Variants in SLF1 observed in about 807,000 individuals in gnomAD.
SLF1 encodes SMC5-SMC6 complex localization factor protein 1.
Under a neutral mutation model 123.0 loss-of-function variants are expected in SLF1, and 105 were observed. The observed-to-expected ratio is 0.85, with a 90% CI of 0.73 to 1.00. SLF1 has a LOEUF of 1.00. SLF1 is among the 50% of genes least tolerant of loss of function. SLF1 has a pLI of 0.00. For missense variants in SLF1, 1,239 were observed against 1,223.0 expected (o/e 1.01, Z -0.20); for synonymous variants, 434 against 406.6 (o/e 1.07, Z -0.81).
chr5:94,633,469 A>G (rs1745430023), intron 4 of SLF1, among the ~76,000 whole-genome samples: 1 of 152,180 alleles, frequency 6.6e-6, no homozygotes. Context: ...ACCTAATGTG[A>G]TATTTAATGG....
chr5:94,694,722 T>C, intron 20 of SLF1, 109 bp from the exon 21 acceptor site: 12 of 1,350,896 alleles, frequency 8.9e-6, no homozygotes, highest in Non-Finnish European at 1.2e-5. Context: ...TAATACAAAA[T>C]ATGATTGCAA....
chr5:94,679,760 T>TA (rs1457180633), intron 15 of SLF1, among the ~76,000 whole-genome samples: 2 of 152,068 alleles, frequency 1.3e-5, no homozygotes, highest in African/African-American at 4.8e-5. Context: ...TCCCCTAAAA[T>TA]AAAGGGAGGA....
At chr5:94,638,862 C>A (rs968383958) in intron 4 of SLF1, among the ~76,000 whole-genome samples, 2 of 152,074 alleles carry the variant, frequency 1.3e-5, no homozygotes, top group Non-Finnish European at 2.9e-5. Flanking sequence ...ATTTTGTATT[C>A]TTTTACTTAA....
At chr5:94,689,684 GC>G (rs1752858625) in intron 18 of SLF1, 78 bp downstream of exon 18, 1 of 1,322,902 alleles carries the variant, frequency 7.6e-7, no homozygotes, top group East Asian at 2.4e-5. Flanking sequence ...TCACACATTT[GC>G]CCTGATGAAT....
intron 10 of SLF1, among the ~76,000 whole-genome samples, chr5:94,662,560 AT>A (rs1749253824): frequency 1.3e-5 from 2 of 152,260 alleles, no homozygotes; most frequent in South Asian, 4.1e-4. Flanking sequence ...ATAGTAAAAA[AT>A]GATCACAAAT....
At chr5:94,686,437 A>G in intron 15 of SLF1, 136 bp from the exon 16 acceptor site, 1 of 949,212 alleles carries the variant, frequency 1.1e-6, no homozygotes. Context: ...TTTTTTGTGG[A>G]TTAAAATCAT....
At position 94,694,832 on chromosome 5, in the gene SLF1, C is replaced by T; in HGVS notation, c.2697C>T (p.Gly899=). 1 of 1,556,314 alleles carries T rather than the reference C, an allele frequency of 6.4e-7. No homozygotes were observed. The highest frequency in any genetic ancestry group is 1.2e-5 in the South Asian group (1 of 80,934). The part of the protein sequence containing the change: ...EIGKLLLQHG[G]PVLLQQRNAK... ...ACATTTTGCATTTTCTTTTCACAGGCCCAGTGCTTTTACAACAGAGGAATG... is the reference window on the plus strand; with the variant it reads ...ACATTTTGCATTTTCTTTTCACAGGTCCAGTGCTTTTACAACAGAGGAATG... Residue 899 remains glycine, a splice_region_variant and synonymous_variant, in exon 21 of 21, where the codon GGC becomes GGT. Coordinates refer to ENST00000265140, the MANE Select transcript of SLF1 (RefSeq NM_032290.4).
intron 9 of SLF1, among the ~76,000 whole-genome samples, chr5:94,655,002 T>C (rs1422838922): frequency 6.6e-6 from 1 of 152,194 alleles, no homozygotes; most frequent in Non-Finnish European, 1.5e-5. Flanking sequence ...TGGCCATAAA[T>C]TCTTTGCCTA....
intron 15 of SLF1, among the ~76,000 whole-genome samples, chr5:94,683,843 A>G (rs1041725770): frequency 6.6e-6 from 1 of 152,144 alleles, no homozygotes; most frequent in Non-Finnish European, 1.5e-5. Context: ...AGTTATTGGT[A>G]TTTGCTAACT....
chr5:94,627,889 G>A (rs934399483), intron 1 of SLF1, among the ~76,000 whole-genome samples: 6 of 151,192 alleles, frequency 4.0e-5, no homozygotes, highest in East Asian at 2.0e-4. Context: ...GAGTGCAATC[G>A]CGTGATCTCG....
At position 94,630,523 on chromosome 5, in the gene SLF1, G is replaced by A; in HGVS notation, c.211G>A (p.Asp71Asn). 1 of 1,551,478 alleles carries A rather than the reference G, an allele frequency of 6.4e-7. No homozygotes were observed. Among genetic ancestry groups the A allele is most frequent in the Non-Finnish European group, 8.7e-7 (1 of 1,146,852 alleles). Residue 71 changes from aspartate to asparagine, a missense_variant, in exon 4 of 21, where the codon GAC becomes AAC. By Grantham distance (23) the Asp-to-Asn change is conservative (BLOSUM62 1). Coordinates refer to ENST00000265140, the MANE Select transcript of SLF1 (RefSeq NM_032290.4). Reference sequence around the variant, plus strand: ...TCTAGGAAAGTGGATACTAACCAAGGACTATATAATTCATAGTGCCAAAAG... The same window carrying A: ...TCTAGGAAAGTGGATACTAACCAAGAACTATATAATTCATAGTGCCAAAAG... ...CAAGKWILTK[D>N]YIIHSAKSGR...
chr5:94,633,005 T>C (rs1188437113), intron 4 of SLF1, among the ~76,000 whole-genome samples: 1 of 151,946 alleles, frequency 6.6e-6, no homozygotes, highest in Non-Finnish European at 1.5e-5. Flanking sequence ...TTTTTAATTT[T>C]TTGAGGTAGC....
chr5:94,678,309 A>G (rs917520271), intron 14 of SLF1: 1 of 152,582 alleles, frequency 6.6e-6, no homozygotes, highest in Admixed American at 6.5e-5. Flanking sequence ...TGGAATCAGT[A>G]TATTATAGCA....
At chr5:94,647,590 T>G (rs566701889) in intron 5 of SLF1, among the ~76,000 whole-genome samples, 7 of 152,224 alleles carry the variant, frequency 4.6e-5, no homozygotes, top group Non-Finnish European at 1.0e-4. Context: ...CAAAATATAC[T>G]AGTCTTGGAC....
chr5:94,661,409 T>C (rs1299128656), intron 9 of SLF1, among the ~76,000 whole-genome samples: 1 of 152,182 alleles, frequency 6.6e-6, no homozygotes, highest in African/African-American at 2.4e-5. Context: ...TGTAATGTTC[T>C]CTCTTAGATG....
intron 14 of SLF1, among the ~76,000 whole-genome samples, chr5:94,671,378 A>G (rs978727577): frequency 2.0e-5 from 3 of 151,676 alleles, no homozygotes; most frequent in African/African-American, 4.8e-5. Flanking sequence ...AATATTTATT[A>G]GTATTATTTT....
intron 6 of SLF1, among the ~76,000 whole-genome samples, chr5:94,649,862 A>G (rs528738205): frequency 6.6e-6 from 1 of 152,310 alleles, no homozygotes; most frequent in African/African-American, 2.4e-5. Context: ...TTATGTAATT[A>G]CCATGTTTAG....
chr5:94,690,600 TAAA>T (rs897576230), intron 18 of SLF1, among the ~76,000 whole-genome samples: 1 of 152,144 alleles, frequency 6.6e-6, no homozygotes, highest in South Asian at 2.1e-4. Context: ...TTTATGCATG[TAAA>T]AAAATGTTTT....
Position 94,670,210 on chromosome 5 carries a change from T to G in SLF1, c.1592T>G (p.Val531Gly). Reference sequence around the variant, plus strand: ...ATTTCAGAAAATATTGGCTCCAAGGTGCTCCACCTGACGCTACTCAAATTT... The same window carrying G: ...ATTTCAGAAAATATTGGCTCCAAGGGGCTCCACCTGACGCTACTCAAATTT... ...HQISENIGSK[V>G]LHLTLLKFFF... Residue 531 changes from valine to glycine, a missense_variant, in exon 13 of 21, where the codon GTG becomes GGG. Coordinates refer to ENST00000265140, the MANE Select transcript of SLF1 (RefSeq NM_032290.4). 1.3e-6 allele frequency: 2 copies of G among 1,530,102 alleles called. No homozygotes were observed. The highest frequency in any genetic ancestry group is 2.5e-5 in the South Asian group (2 of 79,640). The allele number at this position is 1,530,102 out of a possible 1,614,324, so 94.8% of individuals were successfully genotyped here. A position where few individuals can be genotyped will look rare whatever the true frequency, so the allele number is the denominator to read the frequency against.
Sources: allele counts gnomAD v4.1 joint callset (sites outside exome capture counted in the v4.1 genomes callset), GRCh38; gene constraint gnomAD v4.1.1; transcripts MANE v1.5; gene names NCBI Gene and HGNC (gene_info 2026-07-23, HGNC 2026-07-21).